The following ERBB4 variants were observed in gnomAD, a reference collection of about 807,000 sequenced individuals.
ERBB4 encodes the protein receptor tyrosine-protein kinase erbB-4.
A neutral mutation model predicts 158.0 loss-of-function variants in ERBB4; 42 were observed. The observed-to-expected ratio is 0.27, with a 90% confidence interval of 0.21 to 0.34. The LOEUF (loss-of-function observed/expected upper bound fraction) is 0.34, where lower values mean the gene tolerates loss of function less well. Ranked by LOEUF, ERBB4 falls within the 10% of genes least tolerant of loss-of-function variation. The probability of loss-of-function intolerance (pLI) is 1.00; values close to 1 mark genes in which losing one functional copy is unlikely to be tolerated. For synonymous variants in ERBB4, 583 were observed against 558.7 expected (o/e 1.04, Z -0.61); for missense variants, 1,333 against 1,624.1 (o/e 0.82, Z 3.08).
At chr2:211,784,738 C>T (rs1407194644) in intron 4 of ERBB4, among the ~76,000 whole-genome samples, 1 of 152,138 alleles carries the variant, frequency 6.6e-6, no homozygotes, top group African/African-American at 2.4e-5. Context: ...CCAATTTCTT[C>T]ACCTCCTCAC....
At chr2:212,207,408 ATC>A (rs2082796531) in intron 1 of ERBB4, among the ~76,000 whole-genome samples, 1 of 152,198 alleles carries the variant, frequency 6.6e-6, no homozygotes, top group Admixed American at 6.5e-5. Flanking sequence ...AAGCAATAGC[ATC>A]TGTTTCTATA....
chr2:211,773,626 A>ATATATATAT (rs2075783194), intron 4 of ERBB4, among the ~76,000 whole-genome samples: 3 of 78,550 alleles, frequency 3.8e-5, no homozygotes, highest in African/African-American at 2.0e-4. Context: ...ATATATATAT[A>ATATATATAT]TATATATATA....
intron 1 of ERBB4, among the ~76,000 whole-genome samples, chr2:212,263,194 G>A (rs758398569): frequency 2.0e-5 from 3 of 152,204 alleles, no homozygotes; most frequent in Non-Finnish European, 2.9e-5. Context: ...GGAGAGAAAC[G>A]TGTGACAGGT....
At chr2:212,398,944 TTTA>T (rs983942619) in intron 1 of ERBB4, among the ~76,000 whole-genome samples, 16 of 152,054 alleles carry the variant, frequency 1.1e-4, no homozygotes, top group Non-Finnish European at 1.5e-4. Flanking sequence ...TTCTATTTAT[TTTA>T]TTATTATTAT....
chr2:212,313,067 G>A (rs1175197305), intron 1 of ERBB4, among the ~76,000 whole-genome samples: 1 of 150,774 alleles, frequency 6.6e-6, no homozygotes, highest in African/African-American at 2.4e-5. Context: ...AGTGGAACAT[G>A]TAGACAATTT....
intron 4 of ERBB4, among the ~76,000 whole-genome samples, chr2:211,752,553 A>G (rs2106214468): frequency 8.7e-6 from 1 of 114,722 alleles, no homozygotes; most frequent in East Asian, 2.2e-4. Context: ...GAAAAAGTAA[A>G]GAAAGAGGAA....
intron 1 of ERBB4, among the ~76,000 whole-genome samples, chr2:212,485,660 C>T (rs1689933730): frequency 6.6e-6 from 1 of 152,188 alleles, no homozygotes; most frequent in East Asian, 1.9e-4. Context: ...TCTTAGCCCA[C>T]TCAGGCTGCT....
At chr2:211,972,695 C>G (rs1098060) in intron 2 of ERBB4, among the ~76,000 whole-genome samples, 1 of 152,044 alleles carries the variant, frequency 6.6e-6, no homozygotes, top group Non-Finnish European at 1.5e-5. Flanking sequence ...GATAACTGGC[C>G]AGCCATATGT....
At chr2:212,074,348 C>T (rs2078213389) in intron 2 of ERBB4, among the ~76,000 whole-genome samples, 2 of 151,926 alleles carry the variant, frequency 1.3e-5, no homozygotes, top group Middle Eastern at 3.4e-3. Flanking sequence ...TAAAGATGCA[C>T]GTATGAGTAA....
chr2:211,851,111 A>G (rs1055205819), intron 3 of ERBB4, among the ~76,000 whole-genome samples: 2 of 151,992 alleles, frequency 1.3e-5, no homozygotes, highest in African/African-American at 4.8e-5. Flanking sequence ...AACAACAGAT[A>G]AAGTAGTATA....
intron 20 of ERBB4, among the ~76,000 whole-genome samples, chr2:211,509,918 G>A (rs943360604): frequency 6.6e-6 from 1 of 152,026 alleles, no homozygotes; most frequent in Non-Finnish European, 1.5e-5. Context: ...AGTCTGAATG[G>A]CTATTCATAA....
chr2:212,383,003 C>T (rs546153290), intron 1 of ERBB4, among the ~76,000 whole-genome samples: 2 of 150,366 alleles, frequency 1.3e-5, no homozygotes, highest in South Asian at 2.1e-4. Flanking sequence ...TTTTATATTG[C>T]GATATGGTGC....
chr2:211,392,558 C>CCACACACACA lies in ERBB4; in HGVS notation c.3136-4576_3136-4567dup, dbSNP rs5838261. 2.9e-3 allele frequency among the ~76,000 whole-genome samples: 407 copies of CCACACACACA among 140,998 alleles called. 3 individuals carry two copies. Among genetic ancestry groups the CCACACACACA allele is most frequent in the African/African-American group, 8.3e-3 (317 of 38,034 alleles). 92.5% of individuals were successfully genotyped at this position (140,998 alleles called of 152,430 possible). On this transcript the variant is annotated intron_variant, in intron 25 of 27. Transcript: ENST00000342788. Reference sequence around the variant, plus strand: ...ACTTTTTTGAAAAAACTCTCTTACTCCACACACACACACACACACACACAC... The same window carrying CCACACACACA: ...ACTTTTTTGAAAAAACTCTCTTACTCCACACACACACACACACACACACACACACACACAC...
chr2:212,496,717 C>A (rs548616606), intron 1 of ERBB4, among the ~76,000 whole-genome samples: 1 of 152,042 alleles, frequency 6.6e-6, no homozygotes, highest in Admixed American at 6.6e-5. Flanking sequence ...CTCCGTGAGT[C>A]GTCAAGAGTA....
At chr2:211,535,751 A>G (rs1009750139) in intron 20 of ERBB4, 2 of 152,754 alleles carry the variant, frequency 1.3e-5, no homozygotes, top group Non-Finnish European at 2.9e-5. Flanking sequence ...GAAGTGTAAA[A>G]TCTGGATTAC....
intron 10 of ERBB4, among the ~76,000 whole-genome samples, chr2:211,704,451 T>C (rs1195289003): frequency 6.6e-6 from 1 of 152,254 alleles, no homozygotes; most frequent in African/African-American, 2.4e-5. Context: ...GTAGTCTAAC[T>C]AGATAAAGAG....
intron 3 of ERBB4, among the ~76,000 whole-genome samples, chr2:211,878,872 ATAAT>A: frequency 6.6e-6 from 1 of 152,282 alleles, no homozygotes; most frequent in South Asian, 2.1e-4. Flanking sequence ...GGATAATTCT[ATAAT>A]TTTTGACTAG....
At chr2:211,820,296 G>A (rs768641707) in intron 3 of ERBB4, among the ~76,000 whole-genome samples, 2 of 151,786 alleles carry the variant, frequency 1.3e-5, no homozygotes, top group Non-Finnish European at 3.0e-5. Flanking sequence ...CTCTTCTACT[G>A]TGAACAACTA....
chr2:212,478,114 A>T (rs763732156), intron 1 of ERBB4, among the ~76,000 whole-genome samples: 1 of 152,160 alleles, frequency 6.6e-6, no homozygotes, highest in Non-Finnish European at 1.5e-5. Context: ...CAAGTTCATT[A>T]TTCTGTAATA....
Sources: allele counts gnomAD v4.1 joint callset (sites outside exome capture counted in the v4.1 genomes callset), GRCh38; gene constraint gnomAD v4.1.1; transcripts MANE v1.5; gene names NCBI Gene and HGNC (gene_info 2026-07-23, HGNC 2026-07-21).